The following GFRA1 variants were observed in gnomAD, a reference collection of about 807,000 sequenced individuals.
GFRA1 encodes GDNF family receptor alpha 1.
Under a neutral mutation model 51.6 loss-of-function variants are expected in GFRA1, and 16 were observed. The ratio of observed to expected loss-of-function variants is 0.31; its 90% CI spans 0.21 to 0.47. GFRA1 has a LOEUF of 0.47. Among genes scored for constraint, GFRA1 ranks in the 20% least tolerant of loss-of-function variants. The pLI is 1.00. For missense variants in GFRA1, 530 were observed against 594.3 expected, an observed-to-expected ratio of 0.89 and a Z score of 1.13; for synonymous variants, 270 against 241.3, an observed-to-expected ratio of 1.12 and a Z score of -1.10.
intron 6 of GFRA1, among the ~76,000 whole-genome samples, chr10:116,109,271 G>C (rs1392378993): frequency 6.6e-6 from 1 of 152,134 alleles, no homozygotes; most frequent in Non-Finnish European, 1.5e-5. Flanking sequence ...CACTGAAAAA[G>C]AATTAATGTT....
rs1844021087 is a variant in GFRA1, at chr10:116,272,292, G to A, written c.-246-17C>T. 5.2e-6 allele frequency: 3 copies of A among 572,228 alleles called. No individual in the cohort carries two copies. The Admixed American group carries it at 9.1e-5, about 17-fold the overall frequency. 35.4% of individuals were successfully genotyped at this position (572,228 alleles called of 1,614,324 possible). ...CGACCCAACCTGGAAGGGAGGGCGC[G>A]CTTTGAGATGAGAGCGGAGAGCGCC... On this transcript the variant is annotated splice_polypyrimidine_tract_variant and intron_variant, in intron 1 of 10. Coordinates refer to ENST00000355422, the MANE Select transcript of GFRA1 (RefSeq NM_005264.8). This position sits in a 1 kb window ranked among gnomAD's most constrained non-coding sequence, Gnocchi z 4.4.
upstream of GFRA1, chr10:116,273,546 T>G (rs1844103498): frequency 6.6e-6 from 1 of 152,594 alleles, no homozygotes; most frequent in African/African-American, 2.4e-5. Flanking sequence ...CAGCCGCAGC[T>G]GCACACGCCC....
intron 5 of GFRA1, among the ~76,000 whole-genome samples, chr10:116,130,653 G>A (rs1280099150): frequency 6.6e-6 from 1 of 151,998 alleles, no homozygotes; most frequent in African/African-American, 2.4e-5. Flanking sequence ...GAAATCCAAT[G>A]GGGGAAGAGA....
intron 5 of GFRA1, among the ~76,000 whole-genome samples, chr10:116,180,735 TG>T (rs1388605811): frequency 6.6e-6 from 1 of 152,180 alleles, no homozygotes; most frequent in Non-Finnish European, 1.5e-5. Flanking sequence ...GTTTTGAATC[TG>T]GGGTTGGAGC....
intron 5 of GFRA1, among the ~76,000 whole-genome samples, chr10:116,145,707 A>T (rs1185892093): frequency 1.3e-5 from 2 of 152,216 alleles, no homozygotes; most frequent in Admixed American, 1.3e-4. Context: ...GAATTTAAAG[A>T]CAACAGCTAT....
At chr10:116,261,986 A>G (rs1365181089) in intron 4 of GFRA1, among the ~76,000 whole-genome samples, 4 of 152,160 alleles carry the variant, frequency 2.6e-5, no homozygotes, top group Admixed American at 2.0e-4. Context: ...ACTTTTACCA[A>G]ACAAGCCCCA....
intron 5 of GFRA1, among the ~76,000 whole-genome samples, chr10:116,184,739 T>A (rs1288102500): frequency 6.6e-6 from 1 of 152,198 alleles, no homozygotes; most frequent in Non-Finnish European, 1.5e-5. Context: ...ATAAGGCTAG[T>A]TCCAGTTCTT....
chr10:116,151,356 T>C (rs1430989670), intron 5 of GFRA1, among the ~76,000 whole-genome samples: 1 of 152,110 alleles, frequency 6.6e-6, no homozygotes, highest in African/African-American at 2.4e-5. Flanking sequence ...TGTTACTGAA[T>C]TGGTGACATG....
At chr10:116,246,017 A>G (rs1044369926) in intron 4 of GFRA1, among the ~76,000 whole-genome samples, 1 of 152,226 alleles carries the variant, frequency 6.6e-6, no homozygotes, top group Non-Finnish European at 1.5e-5. Context: ...GGCACTGTAC[A>G]TTTGTCAAAA....
At chr10:116,219,012 T>C (rs1169089327) in intron 4 of GFRA1, among the ~76,000 whole-genome samples, 1 of 145,608 alleles carries the variant, frequency 6.9e-6, no homozygotes, top group Admixed American at 6.9e-5. Flanking sequence ...AAGAAAAAAA[T>C]AAAAAAAAAA....
At chr10:116,086,884 C>G (rs1024061591) in intron 9 of GFRA1, among the ~76,000 whole-genome samples, 2 of 152,198 alleles carry the variant, frequency 1.3e-5, no homozygotes, top group African/African-American at 4.8e-5. Flanking sequence ...GTGGTGCAAT[C>G]ACGGCTCACT....
chr10:116,092,215 T>G (rs1356042800), intron 8 of GFRA1, among the ~76,000 whole-genome samples: 2 of 151,972 alleles, frequency 1.3e-5, no homozygotes, highest in African/African-American at 4.8e-5. Context: ...AAGGTCTCCT[T>G]ACTTGACACT....
intron 5 of GFRA1, among the ~76,000 whole-genome samples, chr10:116,203,808 C>T (rs568504398): frequency 1.3e-5 from 2 of 152,348 alleles, no homozygotes; most frequent in Admixed American, 1.3e-4. Context: ...AGGGTTTAAG[C>T]ACTCAACAGC....
rs1954681886 is a variant in GFRA1, at chr10:116,059,071, C to T, written c.*5327G>A. On this transcript the variant is annotated 3_prime_UTR_variant, in exon 11 of 11. Coordinates refer to ENST00000355422, the MANE Select transcript of GFRA1 (RefSeq NM_005264.8). ...CCAGTGCTTTTTCAGACCCTTTCTC[C>T]TAGGTCACCCTCAAAAACCTCAGGA... The T allele has an allele frequency of 6.6e-6, 1 of 152,154 alleles. No individual in the cohort carries two copies. Among genetic ancestry groups the T allele is most frequent in the Non-Finnish European group, 1.5e-5 (1 of 68,044 alleles). 9.4% of individuals were successfully genotyped at this position (152,154 alleles called of 1,614,324 possible). A position where few individuals can be genotyped will look rare whatever the true frequency, so the allele number is the denominator to read the frequency against.
chr10:116,093,550 A>T, intron 8 of GFRA1, 152 bp downstream of exon 8: 1 of 725,562 alleles, frequency 1.4e-6, no homozygotes, highest in Non-Finnish European at 2.4e-6. Flanking sequence ...GCAGAAAGGG[A>T]GAAAGACAGA....
At chr10:116,101,281 C>G (rs538453980) in intron 6 of GFRA1, among the ~76,000 whole-genome samples, 36 of 152,298 alleles carry the variant, frequency 2.4e-4, no homozygotes, top group African/African-American at 7.5e-4. Context: ...AGAAACTCCT[C>G]AACTGGATTT....
intron 4 of GFRA1, among the ~76,000 whole-genome samples, chr10:116,247,997 T>C (rs1302492375): frequency 6.6e-6 from 1 of 152,208 alleles, no homozygotes; most frequent in Non-Finnish European, 1.5e-5. Flanking sequence ...GATATGGTTT[T>C]AAAAGGCAAA....
intron 4 of GFRA1, among the ~76,000 whole-genome samples, chr10:116,231,111 C>T (rs1966652830): frequency 6.6e-6 from 1 of 152,198 alleles, no homozygotes; most frequent in Admixed American, 6.5e-5. Flanking sequence ...GTCATGAACA[C>T]TTCTTAGCAG....
intron 10 of GFRA1, 47 bp downstream of exon 10, chr10:116,065,526 G>T: frequency 1.3e-6 from 2 of 1,491,206 alleles, no homozygotes; most frequent in Non-Finnish European, 1.9e-6. Flanking sequence ...GGGCCCAAAG[G>T]CTATGTTTCT....
Sources: gnomAD v4.1 joint callset for allele counts (sites outside exome capture counted in the v4.1 genomes callset) on GRCh38, gnomAD v4.1.1 for gene constraint, Gnocchi (gnomAD v3.1) non-coding constraint, MANE v1.5 for transcripts, NCBI Gene and HGNC (gene_info 2026-07-23, HGNC 2026-07-21) for gene names.